The following POLA1 variants were observed in gnomAD, a reference collection of about 807,000 sequenced individuals.
POLA1 encodes DNA polymerase alpha catalytic subunit.
A neutral mutation model predicts 124.0 loss-of-function variants in POLA1; 15 were observed. The ratio of observed to expected loss-of-function variants is 0.12; its 90% CI spans 0.08 to 0.19. POLA1 has a LOEUF of 0.19. Among genes scored for constraint, POLA1 ranks in the 10% least tolerant of loss-of-function variants. POLA1 has a pLI of 1.00. For missense variants in POLA1, 886 were observed against 1,103.4 expected (o/e 0.80, Z 2.79); for synonymous variants, 408 against 389.4 (o/e 1.05, Z -0.56).
intron 1 of POLA1, 119 bp downstream of exon 1, chrX:24,694,123 C>T (rs1324132765): frequency 2.8e-6 from 2 of 712,352 alleles, no homozygotes; most frequent in Non-Finnish European, 2.0e-6. Context: ...TGGTCGTCCC[C>T]GGCGGGGGCC....
At chrX:24,831,879 C>T (rs1040183012) in intron 32 of POLA1, among the ~76,000 whole-genome samples, 1 of 112,055 alleles carries the variant, frequency 8.9e-6, no homozygotes, top group African/African-American at 3.2e-5. Flanking sequence ...GGCTCATGCT[C>T]CCAGTCTAGT....
intron 26 of POLA1, among the ~76,000 whole-genome samples, chrX:24,798,335 T>C (rs986377262): frequency 1.8e-5 from 2 of 110,881 alleles, no homozygotes; most frequent in African/African-American, 6.6e-5. Context: ...TTGAACTGTG[T>C]GAGTCCACCT....
intron 6 of POLA1, 106 bp from the exon 7 acceptor site, chrX:24,716,256 A>G: frequency 2.2e-6 from 1 of 459,805 alleles, no homozygotes; most frequent in Non-Finnish European, 3.9e-6. Flanking sequence ...GGAAAGGGAA[A>G]GAAAAGAAAG....
At chrX:24,974,323 G>T (rs2147278760) in intron 36 of POLA1, among the ~76,000 whole-genome samples, 1 of 111,812 alleles carries the variant, frequency 8.9e-6, no homozygotes, top group East Asian at 2.8e-4. Flanking sequence ...AACTTCTACA[G>T]TGGACACAAG....
intron 22 of POLA1, 39 bp downstream of exon 22, chrX:24,742,160 C>CT (rs762820527): frequency 1.3e-3 from 111 of 86,028 alleles, no homozygotes; most frequent in Non-Finnish European, 2.3e-3. Context: ...TTTCTCTTAA[C>CT]CCCCCCCCCC....
At chrX:24,929,698 T>C (rs2047746109) in intron 35 of POLA1, among the ~76,000 whole-genome samples, 1 of 112,291 alleles carries the variant, frequency 8.9e-6, no homozygotes, top group Non-Finnish European at 1.9e-5. Flanking sequence ...ACTGCATGTA[T>C]TTTTTTCCCA....
chrX:24,745,031 C>T (rs538349472), intron 23 of POLA1, among the ~76,000 whole-genome samples: 1 of 104,066 alleles, frequency 9.6e-6, no homozygotes, highest in African/African-American at 3.6e-5. Flanking sequence ...TAGGAGGATT[C>T]TTCAAAGAAT....
At chrX:24,860,078 G>A (rs1022614101) in intron 34 of POLA1, among the ~76,000 whole-genome samples, 2 of 112,183 alleles carry the variant, frequency 1.8e-5, no homozygotes, top group Non-Finnish European at 3.8e-5. Flanking sequence ...CTGCCCTCAC[G>A]ACCATGACCA....
In POLA1 at chrX:24,863,539, G is replaced by A. The variant is rs1190955229; in HGVS notation, c.4047+19862G>A. Among the ~76,000 whole-genome samples, 4 of 111,940 alleles carry A rather than the reference G, an allele frequency of 3.6e-5. 1 individual carries two copies. Among genetic ancestry groups the A allele is most frequent in the African/African-American group, 1.3e-4 (4 of 30,842 alleles). On this transcript the variant is annotated intron_variant, in intron 34 of 36. Transcript: ENST00000379068. Reference sequence around the variant, plus strand: ...AGTAACTCTTGATCACTGTGCAGTTGTGTAGCTGTGCTATCATTAAGGGCT... The same window carrying A: ...AGTAACTCTTGATCACTGTGCAGTTATGTAGCTGTGCTATCATTAAGGGCT...
intron 26 of POLA1, among the ~76,000 whole-genome samples, chrX:24,782,801 A>G (rs1043304906): frequency 6.3e-5 from 7 of 111,441 alleles, no homozygotes; most frequent in African/African-American, 1.6e-4. Flanking sequence ...CACTTCTACC[A>G]TGTTTCCACA....
chrX:24,968,702 CAA>C (rs1230409270), intron 36 of POLA1, among the ~76,000 whole-genome samples: 12 of 33,951 alleles, frequency 3.5e-4, no homozygotes, highest in African/African-American at 6.5e-4. Context: ...GACTCCATCT[CAA>C]AAAAAAAAAA....
intron 26 of POLA1, among the ~76,000 whole-genome samples, chrX:24,791,032 G>A (rs2045484927): frequency 9.3e-6 from 1 of 107,871 alleles, no homozygotes; most frequent in African/African-American, 3.4e-5. Flanking sequence ...GCAAAAGCAG[G>A]CAATATGCTT....
chrX:24,735,725 G>T (rs1310925264), intron 18 of POLA1, among the ~76,000 whole-genome samples: 1 of 111,221 alleles, frequency 9.0e-6, no homozygotes, highest in Non-Finnish European at 1.9e-5. Context: ...GGATTGTCTG[G>T]CTATTTATGC....
chrX:24,794,263 A>G (rs904313371), intron 26 of POLA1, among the ~76,000 whole-genome samples: 6 of 111,944 alleles, frequency 5.4e-5, no homozygotes, highest in African/African-American at 1.9e-4. Flanking sequence ...ACAGGCGTGA[A>G]CCATCACACC....
At chrX:24,777,858 T>TA (rs760872236) in intron 26 of POLA1, among the ~76,000 whole-genome samples, 1 of 112,223 alleles carries the variant, frequency 8.9e-6, no homozygotes, top group East Asian at 2.8e-4. Context: ...TGTGGGCAGG[T>TA]AATCACTTGG....
chrX:24,920,267 C>T (rs2047598204), intron 35 of POLA1, among the ~76,000 whole-genome samples: 1 of 111,760 alleles, frequency 8.9e-6, no homozygotes, highest in Non-Finnish European at 1.9e-5. Context: ...CGTTGGGTCC[C>T]TAGCACAACA....
At chrX:24,823,810 C>T (rs190613596) in intron 31 of POLA1, among the ~76,000 whole-genome samples, 1 of 112,231 alleles carries the variant, frequency 8.9e-6, no homozygotes, top group East Asian at 2.8e-4. Flanking sequence ...TTAAAATTTA[C>T]GTTTAGGAAA....
In POLA1 at chrX:24,741,487, A is replaced by G. The variant is rs1931653726; in HGVS notation, c.2329A>G (p.Ile777Val). ...VLPLALQITN[I>V]AGNIMSRTLM... ...TCCATTAGCATTGCAGATCACTAAC[A>G]TCGCTGGGAACATTATGGTAAATTT... Residue 777 changes from isoleucine (I) to valine (V), a missense_variant, in exon 21 of 37, where the codon ATC becomes GTC. By Grantham distance (29) the Ile-to-Val change is conservative (BLOSUM62 3). Around this residue, in one of 7 missense-constraint regions of POLA1, gnomAD observed 182 missense variants for 252.8 expected, o/e 0.72. Transcript: ENST00000379068. The G allele has an allele frequency of 1.7e-6, 2 of 1,203,187 alleles. No homozygotes were observed. Among genetic ancestry groups the G allele is most frequent in the African/African-American group, 1.8e-5 (1 of 57,029 alleles).
intron 35 of POLA1, among the ~76,000 whole-genome samples, chrX:24,893,549 A>G (rs1261669458): frequency 9.0e-6 from 1 of 111,662 alleles, no homozygotes; most frequent in Non-Finnish European, 1.9e-5. Flanking sequence ...TTCCATATCT[A>G]TTAAGCAGTC....
Sources: gnomAD v4.1 joint callset for allele counts (sites outside exome capture counted in the v4.1 genomes callset) on GRCh38, gnomAD v4.1.1 for gene constraint, gnomAD v4.1.1 regional missense constraint, MANE v1.5 for transcripts, NCBI Gene and HGNC (gene_info 2026-07-23, HGNC 2026-07-21) for gene names.